Variants in HECTD4 observed in about 807,000 individuals in gnomAD.
The protein encoded by HECTD4 is probable E3 ubiquitin-protein ligase HECTD4.
In HECTD4, 114 loss-of-function variants were observed where a neutral mutation model predicts 471.5. The observed-to-expected ratio is 0.24, with a 90% CI of 0.21 to 0.28. HECTD4 has a LOEUF of 0.28. Among genes scored for constraint, HECTD4 ranks in the 10% least tolerant of loss-of-function variants. The pLI is 1.00. For missense variants in HECTD4, 3,866 were observed against 5,651.5 expected (o/e 0.68, Z 10.13); for synonymous variants, 2,012 against 2,256.0 (o/e 0.89, Z 3.07).
intron 69 of HECTD4, chr12:112,169,974 C>G: frequency 1.8e-6 from 1 of 547,132 alleles, no homozygotes; most frequent in South Asian, 2.1e-5. Flanking sequence ...GCATATCCCC[C>G]TTCTGTCTAT....
chr12:112,344,931 G>C (rs1172301507), intron 1 of HECTD4, among the ~76,000 whole-genome samples: 1 of 151,370 alleles, frequency 6.6e-6, no homozygotes, highest in Admixed American at 6.6e-5. Context: ...AAAAAGAAAA[G>C]AGAAGAGAAG....
At chr12:112,219,760 C>T (rs183994060) in intron 44 of HECTD4, among the ~76,000 whole-genome samples, 165 of 152,146 alleles carry the variant, frequency 1.1e-3, no homozygotes, top group Non-Finnish European at 1.7e-3. Context: ...CCACCGCGCC[C>T]GGTTAATTTT....
At chr12:112,230,000 G>A in intron 40 of HECTD4, 120 bp from the exon 41 acceptor site, 2 of 883,248 alleles carry the variant, frequency 2.3e-6, no homozygotes, top group Non-Finnish European at 3.3e-6. Context: ...CTGGACATGT[G>A]AGGGACCAAA....
intron 44 of HECTD4, 87 bp downstream of exon 44, chr12:112,226,556 G>T: frequency 6.4e-6 from 5 of 785,164 alleles, no homozygotes; most frequent in Non-Finnish European, 1.0e-5. Flanking sequence ...GTGTGTGTAT[G>T]AAGACACTTA....
chr12:112,259,784 T>C (rs1190877377), intron 18 of HECTD4, among the ~76,000 whole-genome samples: 1 of 152,158 alleles, frequency 6.6e-6, no homozygotes, highest in Non-Finnish European at 1.5e-5. Context: ...TTCTCTTGCC[T>C]CTGGGGCTGC....
At chr12:112,378,249 C>T (rs778146265) in intron 1 of HECTD4, among the ~76,000 whole-genome samples, 3 of 152,106 alleles carry the variant, frequency 2.0e-5, no homozygotes, top group East Asian at 3.9e-4. Flanking sequence ...GACGGAGTCT[C>T]GCTATGTTGC....
intron 53 of HECTD4, 34 bp downstream of exon 53, chr12:112,204,440 CATTTCATAGGAA>C: frequency 1.3e-6 from 2 of 1,570,966 alleles, no homozygotes; most frequent in Non-Finnish European, 1.7e-6. Flanking sequence ...TTCAACCTCT[CATTTCATAGGAA>C]ATTTCATAGG....
intron 9 of HECTD4, among the ~76,000 whole-genome samples, chr12:112,278,091 C>T (rs182172959): frequency 3.2e-4 from 48 of 151,952 alleles, no homozygotes; most frequent in East Asian, 1.2e-3. Flanking sequence ...AACAAACAAA[C>T]GAAAAAGCAG....
At chr12:112,190,360 T>A (rs1241408085) in intron 60 of HECTD4, among the ~76,000 whole-genome samples, 1 of 152,248 alleles carries the variant, frequency 6.6e-6, no homozygotes, top group Non-Finnish European at 1.5e-5. Flanking sequence ...TATGGTAAAA[T>A]GCACAACTTT....
intron 3 of HECTD4, 39 bp downstream of exon 3, chr12:112,314,418 A>T (rs1023336965): frequency 3.9e-6 from 4 of 1,015,130 alleles, no homozygotes; most frequent in Non-Finnish European, 5.9e-6. Context: ...AAATCTGCCT[A>T]GTTTGGAAGG....
At chr12:112,368,437 C>T (rs1019026517) in intron 1 of HECTD4, among the ~76,000 whole-genome samples, 4 of 152,152 alleles carry the variant, frequency 2.6e-5, no homozygotes, top group Admixed American at 2.0e-4. Context: ...ACAGATAACA[C>T]TTTAAATACT....
intron 69 of HECTD4, 81 bp downstream of exon 69, chr12:112,170,252 C>T: frequency 6.5e-7 from 1 of 1,541,374 alleles, no homozygotes; most frequent in Non-Finnish European, 8.8e-7. Flanking sequence ...CCCTGGACCC[C>T]CTTCTTTTAT....
rs2032833962 is a variant in HECTD4, at chr12:112,213,722, T to TATATATAAA, written c.7466-1073_7466-1072insTTTATATAT. Reference sequence around the variant, plus strand: ...TACATATATATATATATATATATAATATATATATAAAATTTAAGGCCAGAC... The same window carrying TATATATAAA: ...TACATATATATATATATATATATAATATATATAAAATATATATAAAATTTAAGGCCAGAC... On this transcript the variant is annotated intron_variant, in intron 48 of 75. Transcript: ENST00000682272. The surrounding 1 kb of genome is among the most constrained non-coding windows in gnomAD (Gnocchi z 4.0). 7.4e-6 allele frequency among the ~76,000 whole-genome samples: 1 copy of TATATATAAA among 135,160 alleles called. No individual in the cohort carries two copies. Among genetic ancestry groups the TATATATAAA allele is most frequent in the African/African-American group, 2.8e-5 (1 of 35,732 alleles). The allele number at this position is 135,160 out of a possible 152,430, so 88.7% of individuals were successfully genotyped here.
At chr12:112,330,003 G>A (rs921361204) in intron 1 of HECTD4, among the ~76,000 whole-genome samples, 4 of 151,916 alleles carry the variant, frequency 2.6e-5, no homozygotes, top group Admixed American at 2.0e-4. Flanking sequence ...CTAGCCGGGC[G>A]CAGTGGCTCA....
In HECTD4 at chr12:112,243,212, G is replaced by A. The variant is rs2033681302; in HGVS notation, c.4958+141C>T. Reference sequence around the variant, plus strand: ...TATTAATATGTTGAGTTTTTTGCAAGATCATGTACCACTTTTATATAAATA... The same window carrying A: ...TATTAATATGTTGAGTTTTTTGCAAAATCATGTACCACTTTTATATAAATA... On this transcript the variant is annotated intron_variant, in intron 32 of 75. Coordinates refer to ENST00000682272, the MANE Select transcript of HECTD4 (RefSeq NM_001388303.1). The surrounding 1 kb of genome is among the most constrained non-coding windows in gnomAD (Gnocchi z 6.6). 1.3e-6 allele frequency: 1 copy of A among 769,346 alleles called. No individual in the cohort carries two copies. The highest frequency in any genetic ancestry group is 2.9e-5 in the Admixed American group (1 of 33,956). 47.7% of individuals were successfully genotyped at this position (769,346 alleles called of 1,614,324 possible).
In HECTD4 at chr12:112,163,339, C is replaced by G. The variant is rs1468492498; in HGVS notation, c.12898-75G>C. On this transcript the variant is annotated intron_variant, in intron 74 of 75. Coordinates refer to ENST00000682272, the MANE Select transcript of HECTD4 (RefSeq NM_001388303.1). The surrounding 1 kb of genome is among the most constrained non-coding windows in gnomAD (Gnocchi z 8.2). ...AGTGCCTCCCCAGCCCTGGGGTCTG[C>G]AGGCCAGGCCCAATCCTGGGGCAGG... 8.1e-6 allele frequency: 11 copies of G among 1,357,054 alleles called. No homozygotes were observed. Among genetic ancestry groups the G allele is most frequent in the South Asian group, 1.4e-5 (1 of 72,826 alleles). The allele number at this position is 1,357,054 out of a possible 1,614,324, so 84.1% of individuals were successfully genotyped here. A position where few individuals can be genotyped will look rare whatever the true frequency, so the allele number is the denominator to read the frequency against.
rs867778680 is a variant in HECTD4, at chr12:112,363,849, G to A, written c.177+18103C>T. 1.3e-4 allele frequency among the ~76,000 whole-genome samples: 19 copies of A among 151,736 alleles called. No homozygotes were observed. In the South Asian group the frequency reaches 2.5e-3, roughly 20 times the overall value. ...AATTAACCAGGCAGTGGTGGCGTGC[G>A]CCTGCAATCCTAGCTACTCAGGAGG... On this transcript the variant is annotated intron_variant, in intron 1 of 75. Coordinates refer to ENST00000682272, the MANE Select transcript of HECTD4 (RefSeq NM_001388303.1).
rs1566082392 is a variant in HECTD4, at chr12:112,235,405, C to T, written c.5725+99G>A. On this transcript the variant is annotated intron_variant, in intron 36 of 75. Coordinates refer to ENST00000682272, the MANE Select transcript of HECTD4 (RefSeq NM_001388303.1). This position sits in a 1 kb window ranked among gnomAD's most constrained non-coding sequence, Gnocchi z 5.0. ...CCTGTCCCCGCTCCCTTCTCTGTCA[C>T]TCACTCTTTCATCATAGGAAGCACA... 1 of 1,493,148 alleles carries T rather than the reference C, an allele frequency of 6.7e-7. No homozygotes were observed. The highest frequency in any genetic ancestry group is 2.1e-5 in the Admixed American group (1 of 47,830). The allele number at this position is 1,493,148 out of a possible 1,614,324, so 92.5% of individuals were successfully genotyped here. A position where few individuals can be genotyped will look rare whatever the true frequency, so the allele number is the denominator to read the frequency against.
rs4516030 is a variant in HECTD4, at chr12:112,193,048, A to G, written c.9086+13T>C. The G allele has an allele frequency of 5.6e-6, 9 of 1,613,920 alleles. No individual in the cohort carries two copies. The highest frequency in any genetic ancestry group is 7.6e-6 in the Non-Finnish European group (9 of 1,179,856). On this transcript the variant is annotated intron_variant, in intron 58 of 75. Coordinates refer to ENST00000682272, the MANE Select transcript of HECTD4 (RefSeq NM_001388303.1). This position sits in a 1 kb window ranked among gnomAD's most constrained non-coding sequence, Gnocchi z 5.2. ...TCTCCCCATCACCATCTTCTTGAGAACAGGCAACTTACTCTTTGCGGAATC... is the reference window on the plus strand; with the variant it reads ...TCTCCCCATCACCATCTTCTTGAGAGCAGGCAACTTACTCTTTGCGGAATC...
Sources: allele counts gnomAD v4.1 joint callset (sites outside exome capture counted in the v4.1 genomes callset), GRCh38; gene constraint gnomAD v4.1.1; non-coding constraint Gnocchi (gnomAD v3.1); transcripts MANE v1.5; gene names NCBI Gene and HGNC (gene_info 2026-07-23, HGNC 2026-07-21).